The following ESYT2 variants were observed in gnomAD, a reference collection of about 807,000 sequenced individuals.
ESYT2 encodes extended synaptotagmin 2.
ESYT2 carries 54 observed loss-of-function variants against 107.2 expected under a neutral mutation model. The observed-to-expected ratio is 0.50, with a 90% confidence interval of 0.40 to 0.63. ESYT2 has a LOEUF of 0.63. ESYT2 is among the 30% of genes least tolerant of loss of function. ESYT2 has a pLI of 0.00. For missense variants in ESYT2, 1,020 were observed against 1,094.5 expected (o/e 0.93, Z 0.96); for synonymous variants, 491 against 434.1 (o/e 1.13, Z -1.63).
chr7:158,763,070 G>A lies in ESYT2; in HGVS notation c.1184+13C>T. On this transcript the variant is annotated intron_variant, in intron 10 of 22. Transcript: ENST00000275418. ...CATGCCCTCCTCCAATAACCACAAT[G>A]GGCTTTATTTACCTTCCTAAAAAGT... is the stretch of plus-strand genomic sequence containing the variant. The A allele has an allele frequency of 6.2e-7, 1 of 1,605,730 alleles. No individual in the cohort carries two copies. Among genetic ancestry groups the A allele is most frequent in the Non-Finnish European group, 8.5e-7 (1 of 1,173,600 alleles).
chr7:158,820,872 T>C (rs1197636382), intron 1 of ESYT2, among the ~76,000 whole-genome samples: 5 of 152,258 alleles, frequency 3.3e-5, no homozygotes, highest in Non-Finnish European at 5.9e-5. Context: ...TGCTGTGTTA[T>C]TGCCGGCTGG....
intron 16 of ESYT2, 143 bp from the exon 17 acceptor site, chr7:158,743,821 C>T (rs1407144383): frequency 4.3e-6 from 4 of 927,190 alleles, no homozygotes; most frequent in Non-Finnish European, 6.0e-6. Flanking sequence ...TGGCTCACGC[C>T]TGTAATTTCA....
At chr7:158,766,523 C>A (rs983602300) in intron 8 of ESYT2, among the ~76,000 whole-genome samples, 1 of 152,108 alleles carries the variant, frequency 6.6e-6, no homozygotes, top group African/African-American at 2.4e-5. Context: ...CTGTTGAATG[C>A]CAGCGATATA....
chr7:158,813,004 G>A (rs1840033947), intron 1 of ESYT2, among the ~76,000 whole-genome samples: 1 of 152,194 alleles, frequency 6.6e-6, no homozygotes, highest in Non-Finnish European at 1.5e-5. Flanking sequence ...GAACCAGAGA[G>A]AGGTGATGAT....
At chr7:158,812,860 C>A (rs1840029521) in intron 1 of ESYT2, among the ~76,000 whole-genome samples, 1 of 152,274 alleles carries the variant, frequency 6.6e-6, no homozygotes, top group Admixed American at 6.5e-5. Flanking sequence ...CCTCCGTTTA[C>A]AGGAAATATC....
intron 4 of ESYT2, among the ~76,000 whole-genome samples, chr7:158,790,102 C>T (rs554416832): frequency 1.3e-5 from 2 of 152,254 alleles, no homozygotes; most frequent in African/African-American, 4.8e-5. Context: ...CCGAGACATA[C>T]GTGGGCCTCC....
chr7:158,743,651 G>A lies in ESYT2; in HGVS notation c.1672C>T (p.Leu558=). 1 of 1,613,070 alleles carries A rather than the reference G, an allele frequency of 6.2e-7. No homozygotes were observed. Residue 558 remains leucine (L), a synonymous_variant, in exon 17 of 23, where the codon CTG becomes TTG. Transcript: ENST00000275418. ...CTGAGGGGGACCTTCAGGTTCCCCAGGGAACACTGGTGCTGCTCGTCTCTG... is the reference window on the plus strand; with the variant it reads ...CTGAGGGGGACCTTCAGGTTCCCCAAGGAACACTGGTGCTGCTCGTCTCTG... ...EVRDEQHQCS[L]GNLKVPLSQL...
intron 15 of ESYT2, among the ~76,000 whole-genome samples, chr7:158,748,768 G>A (rs1226345288): frequency 1.3e-5 from 2 of 150,598 alleles, no homozygotes; most frequent in Admixed American, 6.6e-5. Context: ...TCGCCAGGCT[G>A]GAGTGCAGTG....
intron 1 of ESYT2, among the ~76,000 whole-genome samples, chr7:158,808,317 G>A (rs563032896): frequency 5.9e-5 from 9 of 152,188 alleles, no homozygotes; most frequent in Admixed American, 2.6e-4. Flanking sequence ...AGCCCCGTCC[G>A]GCACGTTCGC....
chr7:158,764,833 A>G lies in ESYT2; in HGVS notation c.945T>C (p.Phe315=). Residue 315 remains phenylalanine, a synonymous_variant, in exon 9 of 23, where the codon TTT becomes TTC. Transcript: ENST00000275418. ...TCCCCTGAAGATCCTGAGCTTCAAT[A>G]AAATGTATCCTTAGAACACCCTGAA... ...PVPKGVLRIH[F]IEAQDLQGKD... is the part of the protein sequence containing the mutation. 1 of 1,614,146 alleles carries G rather than the reference A, an allele frequency of 6.2e-7. No individual in the cohort carries two copies. The highest frequency in any genetic ancestry group is 2.2e-5 in the East Asian group (1 of 44,884).
chr7:158,765,852 C>A (rs1289510289), intron 8 of ESYT2, among the ~76,000 whole-genome samples: 2 of 152,048 alleles, frequency 1.3e-5, no homozygotes, highest in Non-Finnish European at 2.9e-5. Context: ...AACAAAGATG[C>A]TCAAGTCACC....
At chr7:158,792,388 C>T (rs1839325182) in intron 4 of ESYT2, among the ~76,000 whole-genome samples, 1 of 151,288 alleles carries the variant, frequency 6.6e-6, no homozygotes, top group African/African-American at 2.4e-5. Context: ...ATTAGCCACA[C>T]GTGGTGGCAT....
At chr7:158,758,321 T>A (rs1837836927) in intron 13 of ESYT2, among the ~76,000 whole-genome samples, 1 of 152,216 alleles carries the variant, frequency 6.6e-6, no homozygotes, top group South Asian at 2.1e-4. Flanking sequence ...AATGCACAGT[T>A]CTCAGAACGT....
chr7:158,798,512 G>A lies in ESYT2; in HGVS notation c.373-436C>T, dbSNP rs74996290. ...AAATACAAAATTAGCCAGGCGTGGT[G>A]GTGCGTGCCTGTAATCCCAGCTACT... On this transcript the variant is annotated intron_variant, in intron 2 of 22. Transcript: ENST00000275418. 4.7e-3 allele frequency among the ~76,000 whole-genome samples: 720 copies of A among 151,928 alleles called. 43 individuals are homozygous for A. The East Asian group carries it at 0.12, about 25-fold the overall frequency.
chr7:158,781,928 G>A (rs1177028029), intron 6 of ESYT2, among the ~76,000 whole-genome samples: 4 of 150,896 alleles, frequency 2.7e-5, no homozygotes, highest in African/African-American at 9.8e-5. Flanking sequence ...AAGTGTGAAA[G>A]GTATGAGTGT....
At chr7:158,821,270 G>C (rs568035577) in intron 1 of ESYT2, among the ~76,000 whole-genome samples, 1 of 152,236 alleles carries the variant, frequency 6.6e-6, no homozygotes, top group Admixed American at 6.5e-5. Context: ...AATTCCAAAA[G>C]AACAGGAGGT....
At position 158,732,740 on chromosome 7, in the gene ESYT2, GT is replaced by G. The variant is rs1465089657; in HGVS notation, c.*1466del. On this transcript the variant is annotated 3_prime_UTR_variant, in exon 23 of 23. Transcript: ENST00000275418. ...ATGTGAGTTACCCACAAGTTGTATA[GT>G]TCCATGAAACAAGCTAAAAGCTCCA... 6.6e-6 allele frequency: 1 copy of G among 152,622 alleles called. No individual in the cohort carries two copies. The highest frequency in any genetic ancestry group is 2.4e-5 in the African/African-American group (1 of 41,460). The allele number at this position is 152,622 out of a possible 1,614,324, so 9.5% of individuals were successfully genotyped here.
chr7:158,826,015 T>C (rs1584893851), intron 1 of ESYT2, among the ~76,000 whole-genome samples: 1 of 141,740 alleles, frequency 7.1e-6, no homozygotes, highest in East Asian at 2.1e-4. Flanking sequence ...TAAGAACTCA[T>C]CTCTAGAAAA....
At chr7:158,740,023 G>A (rs1029628840) in intron 18 of ESYT2, among the ~76,000 whole-genome samples, 1 of 152,194 alleles carries the variant, frequency 6.6e-6, no homozygotes, top group African/African-American at 2.4e-5. Context: ...CACTGGCCTC[G>A]AGAGCAGCAG....
Sources: allele counts gnomAD v4.1 joint callset (sites outside exome capture counted in the v4.1 genomes callset), GRCh38; gene constraint gnomAD v4.1.1; transcripts MANE v1.5; gene names NCBI Gene and HGNC (gene_info 2026-07-23, HGNC 2026-07-21).